The following MRPL19 variants were observed in gnomAD, a reference collection of about 807,000 sequenced individuals.
MRPL19 encodes the protein large ribosomal subunit protein bL19m.
In MRPL19, 31 loss-of-function variants were observed where a neutral mutation model predicts 34.0. That is an observed-to-expected ratio of 0.91 (90% CI 0.68 to 1.23). The LOEUF (loss-of-function observed/expected upper bound fraction) is 1.23, where lower values mean the gene tolerates loss of function less well. Among genes scored for constraint, MRPL19 ranks in the 50% most tolerant of loss-of-function variants. The pLI is 0.00. For missense variants in MRPL19, 384 were observed against 367.6 expected (o/e 1.04, Z -0.37); for synonymous variants, 152 against 127.7 (o/e 1.19, Z -1.28).
chr2:75,648,416 A>T (rs1196597027), intron 2 of MRPL19, among the ~76,000 whole-genome samples: 1 of 152,226 alleles, frequency 6.6e-6, no homozygotes. Flanking sequence ...GTAGGTGAAC[A>T]GGCAAATACA....
rs1013101144 is a variant in MRPL19, at chr2:75,655,436, T to G, written c.*151T>G. 6 of 627,004 alleles carry G rather than the reference T, an allele frequency of 9.6e-6. No homozygotes were observed. The highest frequency in any genetic ancestry group is 1.6e-5 in the Non-Finnish European group (6 of 371,698). The allele number at this position is 627,004 out of a possible 1,614,324, so 38.8% of individuals were successfully genotyped here. A position where few individuals can be genotyped will look rare whatever the true frequency, so the allele number is the denominator to read the frequency against. ...AATACTTTTTTTCTAAAATAAAACT[T>G]GTACACCAGTTTATTACTCTAAAAA... is the stretch of plus-strand genomic sequence containing the variant. On this transcript the variant is annotated 3_prime_UTR_variant, in exon 6 of 6. Transcript: ENST00000393909.
At chr2:75,651,734 G>T in intron 2 of MRPL19, 1 of 264,664 alleles carries the variant, frequency 3.8e-6, no homozygotes, top group Non-Finnish European at 7.4e-6. Flanking sequence ...CTCAGTGTGA[G>T]GCCTGTAGTA....
At position 75,661,503 on chromosome 2, in the gene MRPL19, A is replaced by T. The variant is rs578098382; in HGVS notation, c.*6218A>T. 2.0e-5 allele frequency: 3 copies of T among 152,188 alleles called. No individual in the cohort carries two copies. The highest frequency in any genetic ancestry group is 7.2e-5 in the African/African-American group (3 of 41,532). 9.4% of individuals were successfully genotyped at this position (152,188 alleles called of 1,614,324 possible). Reference sequence around the variant, plus strand: ...TGTGCCTACTCCACCATGTTGCTCAAGTATGTATATTTTCTAAACTACCTT... The same window carrying T: ...TGTGCCTACTCCACCATGTTGCTCATGTATGTATATTTTCTAAACTACCTT... On this transcript the variant is annotated 3_prime_UTR_variant, in exon 6 of 6. Coordinates refer to ENST00000393909, the MANE Select transcript of MRPL19 (RefSeq NM_014763.4).
Position 75,657,245 on chromosome 2 carries a change from G to A in MRPL19, c.*1960G>A, listed in dbSNP as rs1333224724. On this transcript the variant is annotated 3_prime_UTR_variant, in exon 6 of 6. Transcript: ENST00000393909. The stretch of plus-strand genomic sequence containing the variant: ...ACTAAAAAGCTTGGAAAGCCTTTGG[G>A]TTGTGGGAAGGGGCTGTCTTTAGGA... The A allele has an allele frequency of 6.6e-6, 1 of 152,086 alleles. No individual in the cohort carries two copies. Among genetic ancestry groups the A allele is most frequent in the Non-Finnish European group, 1.5e-5 (1 of 67,998 alleles). The allele number at this position is 152,086 out of a possible 1,614,324, so 9.4% of individuals were successfully genotyped here. A position where few individuals can be genotyped will look rare whatever the true frequency, so the allele number is the denominator to read the frequency against.
At position 75,652,122 on chromosome 2, in the gene MRPL19, T is replaced by C; in HGVS notation, c.222-20T>C. 1 of 1,423,710 alleles carries C rather than the reference T, an allele frequency of 7.0e-7. No individual in the cohort carries two copies. The highest frequency in any genetic ancestry group is 9.6e-7 in the Non-Finnish European group (1 of 1,043,322). 88.2% of individuals were successfully genotyped at this position (1,423,710 alleles called of 1,614,324 possible). On this transcript the variant is annotated intron_variant, in intron 2 of 5. Transcript: ENST00000393909. ...AGCCTTTTGAGTTTACTTTTAATTA[T>C]TTATTTGTATTTTTTACAGGTTCTT...
rs538014829 is a variant in MRPL19, at chr2:75,649,041, A to G, written c.221+1822A>G. On this transcript the variant is annotated intron_variant, in intron 2 of 5. Coordinates refer to ENST00000393909, the MANE Select transcript of MRPL19 (RefSeq NM_014763.4). ...ATTATGTGTCTCCTGATGTGACAGAATAAGTTGTTCACATCATCTCCCTGT... is the reference window on the plus strand; with the variant it reads ...ATTATGTGTCTCCTGATGTGACAGAGTAAGTTGTTCACATCATCTCCCTGT... Among the ~76,000 whole-genome samples, 51 of 152,350 alleles carry G rather than the reference A, an allele frequency of 3.3e-4. 2 individuals carry two copies. The South Asian group carries it at 9.3e-3, about 28-fold the overall frequency.
intron 2 of MRPL19, chr2:75,651,567 G>A: frequency 2.4e-6 from 1 of 410,220 alleles, no homozygotes. Context: ...GTCTTGACCA[G>A]CAAACACAGC....
chr2:75,659,058 T>C lies in MRPL19; in HGVS notation c.*3773T>C, dbSNP rs1294598808. 6.6e-6 allele frequency among the ~76,000 whole-genome samples: 1 copy of C among 152,136 alleles called. No homozygotes were observed. Among genetic ancestry groups the C allele is most frequent in the Admixed American group, 6.5e-5 (1 of 15,272 alleles). ...ACTTTCTTCTACCATTTAACACTTC[T>C]TCTATATGTCATATACTTTTTTGGC... On this transcript the variant is annotated 3_prime_UTR_variant, in exon 6 of 6. Transcript: ENST00000393909.
rs1337352822 is a variant in MRPL19 at position 75,659,429 on chromosome 2, A to G, written c.*4144A>G. On this transcript the variant is annotated 3_prime_UTR_variant, in exon 6 of 6. Transcript: ENST00000393909. ...AGAAAACAGTATGATAGTAATACTG[A>G]CTTTTATATTTGTCAATATATTTAT... Among the ~76,000 whole-genome samples the G allele has an allele frequency of 1.3e-5, 2 of 151,110 alleles. No individual in the cohort carries two copies. Among genetic ancestry groups the G allele is most frequent in the African/African-American group, 4.9e-5 (2 of 40,530 alleles).
rs1166179261 is a variant in MRPL19 at position 75,655,847 on chromosome 2, ATTC to A, written c.*566_*568del. 6.6e-6 allele frequency: 1 copy of A among 150,912 alleles called. No homozygotes were observed. Among genetic ancestry groups the A allele is most frequent in the African/African-American group, 2.5e-5 (1 of 40,626 alleles). 9.3% of individuals were successfully genotyped at this position (150,912 alleles called of 1,614,324 possible). On this transcript the variant is annotated 3_prime_UTR_variant, in exon 6 of 6. Coordinates refer to ENST00000393909, the MANE Select transcript of MRPL19 (RefSeq NM_014763.4). ...CTTTTAGTTTACTGCCAACACATAT[ATTC>A]TTCAACAATATATTTAATTTTGAAA...
chr2:75,661,159 T>C lies in MRPL19; in HGVS notation c.*5874T>C, dbSNP rs893253841. 1 of 152,194 alleles carries C rather than the reference T, an allele frequency of 6.6e-6. No individual in the cohort carries two copies. The highest frequency in any genetic ancestry group is 1.5e-5 in the Non-Finnish European group (1 of 68,048). 9.4% of individuals were successfully genotyped at this position (152,194 alleles called of 1,614,324 possible). ...ATGCAGTTGCTGATTTCAAGACTGC[T>C]GCAACACCAGGGAGCTTGTGGGGGA... On this transcript the variant is annotated 3_prime_UTR_variant, in exon 6 of 6. Coordinates refer to ENST00000393909, the MANE Select transcript of MRPL19 (RefSeq NM_014763.4).
chr2:75,651,863 T>C (rs1244177368), intron 2 of MRPL19: 1 of 250,566 alleles, frequency 4.0e-6, no homozygotes, highest in African/African-American at 2.3e-5. Flanking sequence ...AGTTTCTTGC[T>C]CTGTAAAAAG....
rs1230330607 is a variant in MRPL19, at chr2:75,661,465, G to C, written c.*6180G>C. Reference sequence around the variant, plus strand: ...GCGTGAACCACCACACCCAGCCCCTGCTTGTTTTTCAATGTGCCTACTCCA... The same window carrying C: ...GCGTGAACCACCACACCCAGCCCCTCCTTGTTTTTCAATGTGCCTACTCCA... On this transcript the variant is annotated 3_prime_UTR_variant, in exon 6 of 6. Transcript: ENST00000393909. 6.6e-6 allele frequency: 1 copy of C among 151,922 alleles called. No homozygotes were observed. The highest frequency in any genetic ancestry group is 1.5e-5 in the Non-Finnish European group (1 of 68,024). 9.4% of individuals were successfully genotyped at this position (151,922 alleles called of 1,614,324 possible). A position where few individuals can be genotyped will look rare whatever the true frequency, so the allele number is the denominator to read the frequency against.
In MRPL19 at chr2:75,652,185, C is replaced by A. The variant is rs1387283332; in HGVS notation, c.265C>A (p.Pro89Thr). Residue 89 changes from proline (P) to threonine (T), a missense_variant, in exon 3 of 6, where the codon CCT becomes ACT. By Grantham distance (38) the Pro-to-Thr change is conservative. Transcript: ENST00000393909. ...EFIPRRGRTD[P>T]LKFQIERKDM... ...CATTCCTCGAAGGGGAAGAACAGAT[C>A]CTCTGAAATTTCAAATAGAAAGAAA... 6.2e-7 allele frequency: 1 copy of A among 1,605,388 alleles called. No individual in the cohort carries two copies. Among genetic ancestry groups the A allele is most frequent in the Non-Finnish European group, 8.5e-7 (1 of 1,175,328 alleles).
chr2:75,654,614 C>A, intron 4 of MRPL19, 122 bp from the exon 5 acceptor site: 1 of 762,162 alleles, frequency 1.3e-6, no homozygotes, highest in Non-Finnish European at 2.0e-6. Context: ...TTCAAATTAA[C>A]GGCACATTTT....
Position 75,646,855 on chromosome 2 carries a change from C to G in MRPL19, c.48C>G (p.Gly16=). 1 of 1,597,134 alleles carries G rather than the reference C, an allele frequency of 6.3e-7. No homozygotes were observed. The highest frequency in any genetic ancestry group is 8.5e-7 in the Non-Finnish European group (1 of 1,172,580). The change falls in exon 1 of 6, where the codon GGC becomes GGG. Residue 16 remains glycine, a synonymous_variant. Transcript: ENST00000393909. ...GGCACTGGGCTGCAATGGGCCTAGG[C>G]CGGAGTTTCCAAGCCGCCAGGACTC... ...AAGHWAAMGL[G]RSFQAARTLL...
chr2:75,647,309 G>A (rs1678246577), intron 2 of MRPL19, 90 bp downstream of exon 2: 3 of 1,203,510 alleles, frequency 2.5e-6, no homozygotes, highest in Middle Eastern at 2.3e-4. Flanking sequence ...TAAGGTGGGG[G>A]CTGCACCTCC....
intron 4 of MRPL19, 47 bp from the exon 5 acceptor site, chr2:75,654,689 A>G (rs1678400200): frequency 1.0e-5 from 16 of 1,569,236 alleles, no homozygotes; most frequent in Non-Finnish European, 1.3e-5. Context: ...AAACATGTAT[A>G]GGAACGTGGA....
rs1032664696 is a variant in MRPL19, at chr2:75,658,919, T to C, written c.*3634T>C. ...TTTGTGTCTTTGGAGCTATAGTCTC[T>C]TGTAGACAGCATATCACTATCTTGT... On this transcript the variant is annotated 3_prime_UTR_variant, in exon 6 of 6. Transcript: ENST00000393909. Among the ~76,000 whole-genome samples, 5 of 148,322 alleles carry C rather than the reference T, an allele frequency of 3.4e-5. No homozygotes were observed. The highest frequency in any genetic ancestry group is 5.9e-5 in the Non-Finnish European group (4 of 67,462).
Sources: gnomAD v4.1 joint callset for allele counts (sites outside exome capture counted in the v4.1 genomes callset) on GRCh38, gnomAD v4.1.1 for gene constraint, MANE v1.5 for transcripts, NCBI Gene and HGNC (gene_info 2026-07-23, HGNC 2026-07-21) for gene names.